The following MCTP1 variants were observed in gnomAD, a reference collection of about 807,000 sequenced individuals.
MCTP1 encodes the protein multiple C2 and transmembrane domain containing 1.
MCTP1 carries 69 observed loss-of-function variants against 120.6 expected under a neutral mutation model. The observed-to-expected ratio is 0.57, with a 90% CI of 0.47 to 0.70. MCTP1 has a LOEUF of 0.70. MCTP1 is among the 30% of genes least tolerant of loss of function. The pLI is 0.00. For missense variants in MCTP1, 1,203 were observed against 1,248.8 expected (o/e 0.96, Z 0.55); for synonymous variants, 529 against 493.1 (o/e 1.07, Z -0.96).
chr5:95,048,025 G>C (rs1217873933), intron 1 of MCTP1, among the ~76,000 whole-genome samples: 1 of 152,158 alleles, frequency 6.6e-6, no homozygotes, highest in African/African-American at 2.4e-5. Context: ...TTGCATTTAA[G>C]ATATGTTAAG....
intron 1 of MCTP1, among the ~76,000 whole-genome samples, chr5:95,120,377 T>TA (rs1238711616): frequency 6.6e-6 from 1 of 151,166 alleles, no homozygotes; most frequent in Non-Finnish European, 1.5e-5. Flanking sequence ...AAAGACACAT[T>TA]AAAAAAAAGA....
chr5:94,908,691 C>T (rs1477086496), intron 10 of MCTP1, among the ~76,000 whole-genome samples: 1 of 144,250 alleles, frequency 6.9e-6, no homozygotes, highest in African/African-American at 2.8e-5. Context: ...TCAAAATAAC[C>T]TTAACTTTGT....
At chr5:95,123,359 GAGA>G (rs1480036175) in intron 1 of MCTP1, among the ~76,000 whole-genome samples, 1 of 152,100 alleles carries the variant, frequency 6.6e-6, no homozygotes, top group Non-Finnish European at 1.5e-5. Context: ...ACTGGATTAG[GAGA>G]AGAACAGTAA....
At chr5:94,760,822 C>T (rs538741643) in intron 19 of MCTP1, among the ~76,000 whole-genome samples, 11 of 151,926 alleles carry the variant, frequency 7.2e-5, no homozygotes, top group East Asian at 3.9e-4. Flanking sequence ...AAAGCTGGGA[C>T]GACAGGCATG....
At chr5:94,937,615 A>C (rs916948940) in intron 5 of MCTP1, among the ~76,000 whole-genome samples, 5 of 152,068 alleles carry the variant, frequency 3.3e-5, no homozygotes, top group Non-Finnish European at 7.4e-5. Flanking sequence ...ATGGAGACTG[A>C]AGGATTTTTG....
intron 1 of MCTP1, among the ~76,000 whole-genome samples, chr5:95,134,153 A>G (rs1467038538): frequency 6.6e-6 from 1 of 152,252 alleles, no homozygotes; most frequent in African/African-American, 2.4e-5. Flanking sequence ...GATTGGAAAC[A>G]ATGAGTAAAT....
intron 2 of MCTP1, among the ~76,000 whole-genome samples, chr5:95,006,447 T>A (rs1834782590): frequency 6.6e-6 from 1 of 152,106 alleles, no homozygotes; most frequent in Admixed American, 6.6e-5. Context: ...AATTAATTTT[T>A]AAAAAATTTC....
At chr5:95,044,142 G>A (rs1842790661) in intron 1 of MCTP1, among the ~76,000 whole-genome samples, 2 of 152,194 alleles carry the variant, frequency 1.3e-5, no homozygotes, top group South Asian at 4.1e-4. Flanking sequence ...TGTCCTTGTT[G>A]AGGGTGTATG....
At chr5:95,023,435 T>C (rs1342318157) in intron 1 of MCTP1, among the ~76,000 whole-genome samples, 1 of 152,214 alleles carries the variant, frequency 6.6e-6, no homozygotes, top group African/African-American at 2.4e-5. Context: ...TCAACTGAAT[T>C]TGCCAACTGA....
At chr5:95,203,751 C>T (rs529767678) in intron 1 of MCTP1, among the ~76,000 whole-genome samples, 4 of 152,256 alleles carry the variant, frequency 2.6e-5, no homozygotes, top group South Asian at 4.2e-4. Context: ...GTTTGAAAAG[C>T]GGCAGAAGTG....
At chr5:94,843,166 C>A (rs912104420) in intron 17 of MCTP1, among the ~76,000 whole-genome samples, 1 of 151,640 alleles carries the variant, frequency 6.6e-6, no homozygotes, top group Non-Finnish European at 1.5e-5. Flanking sequence ...GCTATACATA[C>A]AAAGCCCTCT....
At chr5:95,013,443 G>A (rs750774940) in intron 2 of MCTP1, among the ~76,000 whole-genome samples, 13 of 152,108 alleles carry the variant, frequency 8.5e-5, no homozygotes, top group Non-Finnish European at 1.9e-4. Context: ...AAGTCAATGC[G>A]TGGCTTCAAA....
At chr5:94,814,761 A>G (rs1332878300) in intron 17 of MCTP1, among the ~76,000 whole-genome samples, 2 of 152,214 alleles carry the variant, frequency 1.3e-5, no homozygotes, top group Admixed American at 6.5e-5. Context: ...AGAAAGAAAA[A>G]AAAAAGTTAA....
At chr5:95,213,565 A>G (rs1042882581) in intron 1 of MCTP1, among the ~76,000 whole-genome samples, 3 of 151,976 alleles carry the variant, frequency 2.0e-5, no homozygotes, top group African/African-American at 7.3e-5. Flanking sequence ...AGTCAATCCT[A>G]AGCCAAAAGA....
At chr5:95,279,612 T>C (rs40597) in intron 1 of MCTP1, among the ~76,000 whole-genome samples, 20,015 of 152,258 alleles carry the variant, frequency 0.13, 1,552 homozygotes, top group African/African-American at 0.22. Flanking sequence ...CTAATGTTTA[T>C]TGAACACTTG....
intron 2 of MCTP1, among the ~76,000 whole-genome samples, chr5:94,962,028 A>G (rs1824366988): frequency 6.6e-6 from 1 of 152,170 alleles, no homozygotes; most frequent in African/African-American, 2.4e-5. Context: ...AATTACCAAC[A>G]AACACATGAA....
At chr5:95,225,588 G>A (rs779622331) in intron 1 of MCTP1, among the ~76,000 whole-genome samples, 25 of 152,102 alleles carry the variant, frequency 1.6e-4, no homozygotes, top group Non-Finnish European at 3.2e-4. Context: ...TCCAAGAATG[G>A]TCAATGTCCC....
chr5:94,965,356 G>C (rs2153565149), intron 2 of MCTP1, among the ~76,000 whole-genome samples: 1 of 152,272 alleles, frequency 6.6e-6, no homozygotes, highest in African/African-American at 2.4e-5. Flanking sequence ...GAACAGAGGA[G>C]ATCTCTCTAG....
chr5:94,965,634 G>T (rs1825408969), intron 2 of MCTP1, among the ~76,000 whole-genome samples: 1 of 152,098 alleles, frequency 6.6e-6, no homozygotes, highest in African/African-American at 2.4e-5. Context: ...ATAAGTAAAT[G>T]AATAAGTGAA....
Sources: gnomAD v4.1 joint callset for allele counts (sites outside exome capture counted in the v4.1 genomes callset) on GRCh38, gnomAD v4.1.1 for gene constraint, MANE v1.5 for transcripts, NCBI Gene and HGNC (gene_info 2026-07-23, HGNC 2026-07-21) for gene names.